Variants in MECOM observed in about 807,000 individuals in gnomAD.
MECOM encodes the protein MDS1 and EVI1 complex locus.
Under a neutral mutation model 116.3 loss-of-function variants are expected in MECOM, and 13 were observed. The ratio of observed to expected loss-of-function variants is 0.11; its 90% CI spans 0.07 to 0.18. The LOEUF (loss-of-function observed/expected upper bound fraction) is 0.18, where lower values mean the gene tolerates loss of function less well. Ranked by LOEUF, MECOM falls within the 10% of genes least tolerant of loss-of-function variation. MECOM has a pLI of 1.00. For missense variants in MECOM, 1,299 were observed against 1,509.0 expected (o/e 0.86, Z 2.31); for synonymous variants, 528 against 535.2 (o/e 0.99, Z 0.19).
intron 1 of MECOM, chr3:169,623,794 AACACACACACACACATAC>A (rs777877450): frequency 6.6e-6 from 1 of 151,014 alleles, no homozygotes; most frequent in East Asian, 1.9e-4. Context: ...TGTCTCCTAA[AACACACACACACACATAC>A]ACACACACAC....
At chr3:169,338,600 G>GGTGT (rs149763365) in intron 2 of MECOM, among the ~76,000 whole-genome samples, 9,606 of 146,478 alleles carry the variant, frequency 0.066, 372 homozygotes, top group East Asian at 0.16. Context: ...TTATGTTAGG[G>GGTGT]GTGTGTGTGT....
chr3:169,415,889 C>T (rs1738504905), intron 1 of MECOM, among the ~76,000 whole-genome samples: 1 of 152,052 alleles, frequency 6.6e-6, no homozygotes, highest in Admixed American at 6.6e-5. Flanking sequence ...TTCTTAGGGA[C>T]CTACAAAGAG....
intron 1 of MECOM, among the ~76,000 whole-genome samples, chr3:169,505,433 G>A (rs1755082892): frequency 6.6e-6 from 1 of 151,914 alleles, no homozygotes; most frequent in South Asian, 2.1e-4. Flanking sequence ...TTTGCAAATA[G>A]AAACTGTATA....
intron 2 of MECOM, among the ~76,000 whole-genome samples, chr3:169,181,216 T>C (rs2149396054): frequency 6.6e-6 from 1 of 152,270 alleles, no homozygotes; most frequent in South Asian, 2.1e-4. Context: ...ACTACTTGAC[T>C]TAACTGTCTT....
chr3:169,401,814 C>G (rs1735950267), intron 1 of MECOM, among the ~76,000 whole-genome samples: 2 of 152,160 alleles, frequency 1.3e-5, no homozygotes, highest in Non-Finnish European at 2.9e-5. Context: ...TCAGTATTGT[C>G]TGACTTATAG....
At chr3:169,200,579 T>C (rs1347203097) in intron 2 of MECOM, among the ~76,000 whole-genome samples, 1 of 152,040 alleles carries the variant, frequency 6.6e-6, no homozygotes, top group Non-Finnish European at 1.5e-5. Context: ...TAGGCAGACA[T>C]AATGCCGAGC....
At chr3:169,100,758 C>T (rs1723301065) in intron 12 of MECOM, 127 bp downstream of exon 12, 2 of 369,914 alleles carry the variant, frequency 5.4e-6, no homozygotes, top group African/African-American at 4.3e-5. Context: ...ATTGAATAGA[C>T]ATATATTCAG....
At position 169,083,729 on chromosome 3, in the gene MECOM, G is replaced by C; in HGVS notation, c.*1180C>G. 4.8e-6 allele frequency: 1 copy of C among 207,090 alleles called. No homozygotes were observed. Among genetic ancestry groups the C allele is most frequent in the Non-Finnish European group, 9.9e-6 (1 of 101,374 alleles). The allele number at this position is 207,090 out of a possible 1,614,324, so 12.8% of individuals were successfully genotyped here. ...CTTCTCTCTTTTAACATAAGGTTGG[G>C]AACACTTCATTTTACAAATAGGATT... On this transcript the variant is annotated 3_prime_UTR_variant, in exon 17 of 17. Coordinates refer to ENST00000651503, the MANE Select transcript of MECOM (RefSeq NM_004991.4).
chr3:169,147,377 A>T (rs940693418), intron 2 of MECOM: 2 of 985,362 alleles, frequency 2.0e-6, no homozygotes, highest in Non-Finnish European at 2.4e-6. Flanking sequence ...TTTCTATTTC[A>T]TGAACTGTCT....
intron 1 of MECOM, among the ~76,000 whole-genome samples, chr3:169,441,614 T>A (rs1743683566): frequency 1.3e-5 from 2 of 152,144 alleles, no homozygotes; most frequent in Non-Finnish European, 2.9e-5. Context: ...AAGACTTTAG[T>A]TGCTACAATG....
At chr3:169,423,157 C>T (rs1443151859) in intron 1 of MECOM, among the ~76,000 whole-genome samples, 2 of 151,964 alleles carry the variant, frequency 1.3e-5, no homozygotes, top group African/African-American at 4.8e-5. Context: ...TGCTGCTGGT[C>T]TATGGATCAT....
chr3:169,292,401 G>A (rs955051412), intron 2 of MECOM, among the ~76,000 whole-genome samples: 2 of 152,022 alleles, frequency 1.3e-5, no homozygotes, highest in Non-Finnish European at 2.9e-5. Flanking sequence ...GATGAAGCAA[G>A]ATCTATTCAC....
intron 7 of MECOM, among the ~76,000 whole-genome samples, chr3:169,119,129 C>T (rs956543258): frequency 2.0e-5 from 3 of 152,192 alleles, no homozygotes; most frequent in African/African-American, 7.2e-5. Flanking sequence ...ATTACCTTAG[C>T]ACTGGTGACT....
intron 1 of MECOM, among the ~76,000 whole-genome samples, chr3:169,394,971 G>A (rs544522974): frequency 1.3e-5 from 2 of 152,166 alleles, no homozygotes; most frequent in African/African-American, 4.8e-5. Context: ...GAGCCAATTT[G>A]CTTTTTTCTA....
chr3:169,484,611 A>G (rs756618843), intron 1 of MECOM, among the ~76,000 whole-genome samples: 2 of 152,238 alleles, frequency 1.3e-5, no homozygotes, highest in Non-Finnish European at 1.5e-5. Flanking sequence ...AATTTATTTT[A>G]CACAGTAAAT....
chr3:169,601,933 C>T (rs1030978299), intron 1 of MECOM, among the ~76,000 whole-genome samples: 1 of 152,096 alleles, frequency 6.6e-6, no homozygotes, highest in African/African-American at 2.4e-5. Flanking sequence ...GGTCATGAGC[C>T]TCAAAAGAAA....
chr3:169,383,744 C>T (rs150323079), intron 1 of MECOM, among the ~76,000 whole-genome samples: 118 of 152,294 alleles, frequency 7.7e-4, no homozygotes, highest in Non-Finnish European at 1.4e-3. Context: ...GTATAAACCT[C>T]TTAGGTTTGG....
chr3:169,591,670 A>G (rs1215629082), intron 1 of MECOM, among the ~76,000 whole-genome samples: 3 of 142,322 alleles, frequency 2.1e-5, no homozygotes, highest in East Asian at 4.0e-4. Flanking sequence ...GAATGACCCA[A>G]TATAACAATG....
intron 2 of MECOM, among the ~76,000 whole-genome samples, chr3:169,194,321 G>C (rs71306627): frequency 0.096 from 14,643 of 152,018 alleles, 943 homozygotes; most frequent in Non-Finnish European, 0.14. Context: ...TTGTGGGGTG[G>C]GGGGAGTAGG....
Sources: allele counts gnomAD v4.1 joint callset (sites outside exome capture counted in the v4.1 genomes callset), GRCh38; gene constraint gnomAD v4.1.1; transcripts MANE v1.5; gene names NCBI Gene and HGNC (gene_info 2026-07-23, HGNC 2026-07-21).